ARHGAP32: variants seen among roughly 807,000 people sequenced by gnomAD.
ARHGAP32 encodes rho GTPase-activating protein 32.
A neutral mutation model predicts 186.5 loss-of-function variants in ARHGAP32; 51 were observed. The ratio of observed to expected loss-of-function variants is 0.27; its 90% CI spans 0.22 to 0.35. ARHGAP32 has a LOEUF of 0.35. ARHGAP32 is among the 10% of genes least tolerant of loss of function. The pLI is 1.00. For synonymous variants in ARHGAP32, 950 were observed against 964.3 expected (o/e 0.99, Z 0.27); for missense variants, 2,186 against 2,623.5 (o/e 0.83, Z 3.64).
intron 6 of ARHGAP32, among the ~76,000 whole-genome samples, chr11:129,086,225 C>T (rs1264580731): frequency 6.6e-6 from 1 of 152,102 alleles, no homozygotes. Context: ...TGGACATCCA[C>T]ATGCAACAAG....
chr11:129,153,793 T>C (rs941051645), intron 2 of ARHGAP32, among the ~76,000 whole-genome samples: 4 of 152,008 alleles, frequency 2.6e-5, no homozygotes, highest in Admixed American at 1.3e-4. Flanking sequence ...GAAGATAATA[T>C]CAGAAAAACT....
chr11:129,156,514 A>G (rs1458535639), intron 2 of ARHGAP32, among the ~76,000 whole-genome samples: 1 of 152,184 alleles, frequency 6.6e-6, no homozygotes, highest in Non-Finnish European at 1.5e-5. Context: ...AGAGCCACAA[A>G]GCCACTGTAG....
At chr11:129,227,003 T>A (rs552684146) in intron 1 of ARHGAP32, among the ~76,000 whole-genome samples, 22 of 152,108 alleles carry the variant, frequency 1.4e-4, no homozygotes, top group Non-Finnish European at 3.2e-4. Flanking sequence ...TATATTTTAT[T>A]TTTCTTTTCT....
intron 6 of ARHGAP32, among the ~76,000 whole-genome samples, chr11:129,073,868 G>A (rs1591590735): frequency 6.6e-6 from 1 of 151,934 alleles, no homozygotes; most frequent in African/African-American, 2.4e-5. Flanking sequence ...TACCTATAGA[G>A]GGTCAAAATC....
intron 1 of ARHGAP32, among the ~76,000 whole-genome samples, chr11:129,174,766 C>G (rs529899128): frequency 1.2e-4 from 18 of 151,968 alleles, no homozygotes; most frequent in East Asian, 3.9e-4. Flanking sequence ...AAACAGAAAG[C>G]ACATCCACAC....
At chr11:129,213,693 A>G (rs1944610376) in intron 1 of ARHGAP32, among the ~76,000 whole-genome samples, 1 of 152,152 alleles carries the variant, frequency 6.6e-6, no homozygotes, top group South Asian at 2.1e-4. Context: ...TGTAGATAAC[A>G]TTTTTAATAG....
At position 128,968,794 on chromosome 11, in the gene ARHGAP32, T is replaced by A; in HGVS notation, c.*113A>T. 1.2e-6 allele frequency: 1 copy of A among 848,634 alleles called. No homozygotes were observed. Among genetic ancestry groups the A allele is most frequent in the Non-Finnish European group, 1.6e-6 (1 of 618,186 alleles). The allele number at this position is 848,634 out of a possible 1,614,324, so 52.6% of individuals were successfully genotyped here. ...TTTGTTTACTTTTATTATCATTTTTTAAATGTGGTCAGGGGTTTTATAGTA... is the reference window on the plus strand; with the variant it reads ...TTTGTTTACTTTTATTATCATTTTTAAAATGTGGTCAGGGGTTTTATAGTA... On this transcript the variant is annotated 3_prime_UTR_variant, in exon 23 of 23. Coordinates refer to ENST00000682385, the MANE Select transcript of ARHGAP32 (RefSeq NM_001378024.1).
chr11:129,214,487 T>C (rs1470957639), intron 1 of ARHGAP32, among the ~76,000 whole-genome samples: 1 of 152,206 alleles, frequency 6.6e-6, no homozygotes, highest in Non-Finnish European at 1.5e-5. Context: ...AATAAATTTA[T>C]TGATTCATAT....
chr11:129,162,630 G>A (rs1214846096), intron 2 of ARHGAP32, among the ~76,000 whole-genome samples: 1 of 152,030 alleles, frequency 6.6e-6, no homozygotes, highest in Non-Finnish European at 1.5e-5. Flanking sequence ...AAATATGTGT[G>A]GAATACAAAA....
chr11:129,111,765 CCTTT>C (rs1369253822), intron 5 of ARHGAP32, among the ~76,000 whole-genome samples: 16 of 151,946 alleles, frequency 1.1e-4, no homozygotes, highest in African/African-American at 3.6e-4. Context: ...ATTTTTTCCC[CCTTT>C]CTTTTTTTGA....
chr11:128,981,169 A>T (rs1220322843), intron 17 of ARHGAP32, among the ~76,000 whole-genome samples: 1 of 152,202 alleles, frequency 6.6e-6, no homozygotes, highest in African/African-American at 2.4e-5. Flanking sequence ...ACTTTAATAC[A>T]CATCAATAAT....
rs772157657 is a variant in ARHGAP32, at chr11:128,971,063, C to T, written c.4150G>A (p.Ala1384Thr). Residue 1384 changes from alanine (A) to threonine (T), a missense_variant, in exon 23 of 23, where the codon GCT becomes ACT. Physicochemically the swap from Ala to Thr is moderately conservative, Grantham distance 58. This residue lies in a region of ARHGAP32 where 1,502 missense variants were observed against 1,570.0 expected (regional missense o/e 0.96). Coordinates refer to ENST00000682385, the MANE Select transcript of ARHGAP32 (RefSeq NM_001378024.1). Reference protein sequence around the residue: ...AFISDSGAAAAQCPMATAVQP... With the variant: ...AFISDSGAAATQCPMATAVQP... ...ACAGCTGTAGCCATGGGACACTGAG[C>T]AGCAGCAGCACCACTGTCACTGATG... 1 of 1,614,104 alleles carries T rather than the reference C, an allele frequency of 6.2e-7. No homozygotes were observed. Among genetic ancestry groups the T allele is most frequent in the East Asian group, 2.2e-5 (1 of 44,892 alleles).
At chr11:129,035,663 A>G (rs928809712) in intron 11 of ARHGAP32, among the ~76,000 whole-genome samples, 9 of 151,848 alleles carry the variant, frequency 5.9e-5, no homozygotes, top group Non-Finnish European at 1.2e-4. Flanking sequence ...GGTGGTCAAC[A>G]TGAAACCTCA....
intron 1 of ARHGAP32, among the ~76,000 whole-genome samples, chr11:129,210,992 T>C (rs184552030): frequency 2.4e-4 from 37 of 152,286 alleles, no homozygotes; most frequent in African/African-American, 8.2e-4. Flanking sequence ...TTTGGTCACT[T>C]ACTATGTCCT....
intron 11 of ARHGAP32, among the ~76,000 whole-genome samples, chr11:129,009,289 T>G (rs746857401): frequency 6.6e-6 from 1 of 152,204 alleles, no homozygotes; most frequent in African/African-American, 2.4e-5. Flanking sequence ...TTGCTTCAAT[T>G]ATGCCCTTAA....
At chr11:129,219,382 C>T (rs1029651918) in intron 1 of ARHGAP32, among the ~76,000 whole-genome samples, 1 of 152,088 alleles carries the variant, frequency 6.6e-6, no homozygotes, top group African/African-American at 2.4e-5. Flanking sequence ...CTTTTCCTTC[C>T]ATTCTGTTTT....
At chr11:129,029,541 C>G (rs550084515) in intron 11 of ARHGAP32, among the ~76,000 whole-genome samples, 1 of 152,104 alleles carries the variant, frequency 6.6e-6, no homozygotes, top group Non-Finnish European at 1.5e-5. Context: ...CGGTGGCTCA[C>G]GCCTGTAATC....
chr11:129,059,167 T>C (rs929889558), intron 10 of ARHGAP32, among the ~76,000 whole-genome samples: 1 of 152,192 alleles, frequency 6.6e-6, no homozygotes, highest in Non-Finnish European at 1.5e-5. Flanking sequence ...TTAGTGCTCT[T>C]CAGGCAATGA....
chr11:129,215,729 T>C (rs1442365616), intron 1 of ARHGAP32, among the ~76,000 whole-genome samples: 1 of 152,168 alleles, frequency 6.6e-6, no homozygotes, highest in East Asian at 1.9e-4. Flanking sequence ...CAGGATAATC[T>C]CCCTATCTCA....
Sources: gnomAD v4.1 joint callset for allele counts (sites outside exome capture counted in the v4.1 genomes callset) on GRCh38, gnomAD v4.1.1 for gene constraint, gnomAD v4.1.1 regional missense constraint, MANE v1.5 for transcripts, NCBI Gene and HGNC (gene_info 2026-07-23, HGNC 2026-07-21) for gene names.